Variants in TAF1B observed in about 807,000 individuals in gnomAD.
The protein encoded by TAF1B is TATA-box binding protein associated factor, RNA polymerase I subunit B, also known as TATA box-binding protein-associated factor RNA polymerase I subunit B.
Under a neutral mutation model 83.9 loss-of-function variants are expected in TAF1B, and 61 were observed. The observed-to-expected ratio is 0.73, with a 90% confidence interval of 0.59 to 0.90. The LOEUF is 0.90. Ranked by LOEUF, TAF1B falls within the 40% of genes least tolerant of loss-of-function variation. The pLI is 0.00. For missense variants in TAF1B, 625 were observed against 677.0 expected, an observed-to-expected ratio of 0.92 and a Z score of 0.85; for synonymous variants, 221 against 224.6, an observed-to-expected ratio of 0.98 and a Z score of 0.14.
At chr2:9,881,496 A>G (rs1427384075) in intron 7 of TAF1B, among the ~76,000 whole-genome samples, 2 of 152,168 alleles carry the variant, frequency 1.3e-5, no homozygotes, top group South Asian at 2.1e-4. Flanking sequence ...AGGTATAAGT[A>G]TATATTTGAC....
intron 8 of TAF1B, among the ~76,000 whole-genome samples, chr2:9,898,987 A>G (rs1472787926): frequency 7.8e-6 from 1 of 127,600 alleles, no homozygotes; most frequent in Admixed American, 7.9e-5. Context: ...GTTCCATTTT[A>G]TACTTTTTTT....
intron 8 of TAF1B, among the ~76,000 whole-genome samples, chr2:9,893,161 C>T (rs1474821836): frequency 6.6e-6 from 1 of 152,042 alleles, no homozygotes; most frequent in African/African-American, 2.4e-5. Flanking sequence ...ACAAAGAATG[C>T]CCATATATCC....
intron 5 of TAF1B, among the ~76,000 whole-genome samples, chr2:9,862,528 T>A (rs542146103): frequency 6.6e-6 from 1 of 152,342 alleles, no homozygotes; most frequent in South Asian, 2.1e-4. Context: ...CTACAGGTTG[T>A]TATCCAGGAG....
Position 9,875,880 on chromosome 2 carries a change from C to T in TAF1B, c.569C>T (p.Ser190Phe), listed in dbSNP as rs751150455. Residue 190 changes from serine (S) to phenylalanine (F), a missense_variant, in exon 7 of 15, where the codon TCT (serine) becomes TTT (phenylalanine). Transcript: ENST00000263663. ...ATCTCCTAAGAAACGTCTGTCTGCT[C>T]TGGATCTCTGGATGGAGTTGAATAC... is the stretch of plus-strand genomic sequence containing the variant. The part of the protein sequence containing the change: ...KASQSETSVC[S>F]GSLDGVEYSQ... 5.6e-6 allele frequency: 9 copies of T among 1,603,484 alleles called. No homozygotes were observed. The East Asian group carries it at 1.6e-4, about 28-fold the overall frequency.
rs541340195 is a variant in TAF1B, at chr2:9,902,823, G to T, written c.808-2036G>T. 3.7e-4 allele frequency among the ~76,000 whole-genome samples: 56 copies of T among 152,208 alleles called. 1 individual carries two copies. The highest frequency in any genetic ancestry group is 1.2e-3 in the African/African-American group (50 of 41,536). ...TCAACTTTAATAGATACTGCAAAAT[G>T]GATTTTCAAAATTTTTGTATTAGGC... On this transcript the variant is annotated intron_variant, in intron 8 of 14. Coordinates refer to ENST00000263663, the MANE Select transcript of TAF1B (RefSeq NM_005680.3).
chr2:9,898,628 CAG>C (rs753511944), intron 8 of TAF1B, among the ~76,000 whole-genome samples: 1 of 152,168 alleles, frequency 6.6e-6, no homozygotes, highest in Non-Finnish European at 1.5e-5. Context: ...AAGTCATTGA[CAG>C]AGTACAGTGT....
At chr2:9,875,207 A>T (rs1664287472) in intron 6 of TAF1B, among the ~76,000 whole-genome samples, 1 of 151,602 alleles carries the variant, frequency 6.6e-6, no homozygotes, top group Admixed American at 6.6e-5. Flanking sequence ...CAAGTGATCC[A>T]CCCTCCTTGG....
chr2:9,915,294 A>T, intron 12 of TAF1B, among the ~76,000 whole-genome samples: 1 of 152,194 alleles, frequency 6.6e-6, no homozygotes, highest in East Asian at 1.9e-4. Flanking sequence ...AAAAGAAAAA[A>T]AATTGGTAAA....
At chr2:9,870,633 C>G (rs1458438561) in intron 6 of TAF1B, among the ~76,000 whole-genome samples, 1 of 152,086 alleles carries the variant, frequency 6.6e-6, no homozygotes, top group Non-Finnish European at 1.5e-5. Context: ...ATTAGCTATT[C>G]AATTCTGTTT....
At chr2:9,888,157 G>C (rs908721070) in intron 8 of TAF1B, among the ~76,000 whole-genome samples, 1 of 151,812 alleles carries the variant, frequency 6.6e-6, no homozygotes, top group Non-Finnish European at 1.5e-5. Flanking sequence ...GTTGCTCTAG[G>C]GTTTACAGTA....
rs767578829 is a variant in TAF1B, at chr2:9,910,899, T to C, written c.1119T>C (p.Asp373=). 1 of 1,610,672 alleles carries C rather than the reference T, an allele frequency of 6.2e-7. No individual in the cohort carries two copies. Among genetic ancestry groups the C allele is most frequent in the Admixed American group, 1.7e-5 (1 of 59,328 alleles). ...TATTGAAACTGCTCTTTCTATTGGA[T>C]GACAGTTTCGAGTGGTAAGTGTACG... ...VVVLKLLFLL[D]DSFEWSLSNL... The change falls in exon 10 of 15, where the codon GAT becomes GAC. Residue 373 remains aspartate (D), a synonymous_variant. Coordinates refer to ENST00000263663, the MANE Select transcript of TAF1B (RefSeq NM_005680.3).
chr2:9,888,790 GTTTTTTTTTTTTTT>G (rs56125595), intron 8 of TAF1B, among the ~76,000 whole-genome samples: 13 of 81,664 alleles, frequency 1.6e-4, no homozygotes, highest in East Asian at 1.3e-3. Context: ...CTTCTGCTTG[GTTTTTTTTTTTTTT>G]TTTTTTTTTT....
chr2:9,919,237 G>A (rs1665794450), intron 13 of TAF1B, 126 bp downstream of exon 13: 1 of 742,188 alleles, frequency 1.3e-6, no homozygotes, highest in Non-Finnish European at 2.3e-6. Flanking sequence ...CAGGGCACAT[G>A]TACATCCAAA....
intron 8 of TAF1B, among the ~76,000 whole-genome samples, chr2:9,885,508 T>C (rs1303091473): frequency 5.9e-5 from 9 of 152,362 alleles, no homozygotes; most frequent in Admixed American, 5.9e-4. Context: ...ACAGCAAAAC[T>C]GGTTTCACCC....
chr2:9,857,759 C>T (rs138885233), intron 5 of TAF1B, among the ~76,000 whole-genome samples: 59 of 152,206 alleles, frequency 3.9e-4, no homozygotes, highest in African/African-American at 1.3e-3. Flanking sequence ...TGTGAGCAAG[C>T]CCATGCAGGG....
At chr2:9,857,441 C>CT (rs1441070049) in intron 5 of TAF1B, among the ~76,000 whole-genome samples, 1 of 152,108 alleles carries the variant, frequency 6.6e-6, no homozygotes, top group East Asian at 1.9e-4. Context: ...AATGATGACT[C>CT]TAAGGATTTT....
intron 5 of TAF1B, among the ~76,000 whole-genome samples, chr2:9,855,765 A>G (rs1483663386): frequency 6.6e-6 from 1 of 152,362 alleles, no homozygotes; most frequent in East Asian, 1.9e-4. Context: ...TGCTCAGGAC[A>G]CTTACATTAG....
At chr2:9,912,214 T>C (rs1665554118) in intron 11 of TAF1B, among the ~76,000 whole-genome samples, 1 of 152,138 alleles carries the variant, frequency 6.6e-6, no homozygotes, top group Admixed American at 6.6e-5. Flanking sequence ...GATAGACAGA[T>C]AGACAAGTGA....
In TAF1B at chr2:9,882,822, T is replaced by C. The variant is rs771698823; in HGVS notation, c.807+17T>C. ...GGTATAGAGGTAAGTTATTTTCTTT[T>C]TTACTTTCTAGTCTCTGATAAGGCA... On this transcript the variant is annotated intron_variant, in intron 8 of 14. Coordinates refer to ENST00000263663, the MANE Select transcript of TAF1B (RefSeq NM_005680.3). The C allele has an allele frequency of 6.4e-7, 1 of 1,552,284 alleles. No individual in the cohort carries two copies.
Sources: allele counts gnomAD v4.1 joint callset (sites outside exome capture counted in the v4.1 genomes callset), GRCh38; gene constraint gnomAD v4.1.1; transcripts MANE v1.5; gene names NCBI Gene and HGNC (gene_info 2026-07-23, HGNC 2026-07-21).